Variants in CHD8 observed in about 807,000 individuals in gnomAD.
CHD8 encodes the protein ATP-dependent chromatin remodeler CHD8.
In CHD8, 31 loss-of-function variants were observed where a neutral mutation model predicts 279.2. The observed-to-expected ratio is 0.11, with a 90% CI of 0.08 to 0.15. The LOEUF (loss-of-function observed/expected upper bound fraction) is 0.15, where lower values mean the gene tolerates loss of function less well. Ranked by LOEUF, CHD8 falls within the 10% of genes least tolerant of loss-of-function variation. The pLI, the probability that CHD8 is intolerant of heterozygous loss-of-function variation, is 1.00. For synonymous variants in CHD8, 1,081 were observed against 1,139.6 expected (o/e 0.95, Z 1.04); for missense variants, 2,146 against 3,230.5 (o/e 0.66, Z 8.14).
At chr14:21,436,967 T>C in intron 1 of CHD8, 1 of 1,282,746 alleles carries the variant, frequency 7.8e-7, no homozygotes, top group South Asian at 1.2e-5. Context: ...TTCTGGTAAC[T>C]GGAGACCCCA....
chr14:21,387,602 C>T (rs1887315521), intron 37 of CHD8, among the ~76,000 whole-genome samples: 1 of 149,880 alleles, frequency 6.7e-6, no homozygotes. Flanking sequence ...GCATTGTACT[C>T]CATCCAGCCT....
chr14:21,403,415 GACAGAGTAACC>G lies in CHD8; in HGVS notation c.3518+27_3518+37del, dbSNP rs377091970. 1,507 of 1,525,680 alleles carry G rather than the reference GACAGAGTAACC, an allele frequency of 9.9e-4. 13 individuals are homozygous for G. In the African/African-American group the frequency reaches 0.019, roughly 19 times the overall value. The allele number at this position is 1,525,680 out of a possible 1,614,324, so 94.5% of individuals were successfully genotyped here. A position where few individuals can be genotyped will look rare whatever the true frequency, so the allele number is the denominator to read the frequency against. On this transcript the variant is annotated intron_variant, in intron 17 of 37. Coordinates refer to ENST00000646647, the MANE Select transcript of CHD8 (RefSeq NM_001170629.2). This position sits in a 1 kb window ranked among gnomAD's most constrained non-coding sequence, Gnocchi z 4.3. Reference sequence around the variant, plus strand: ...CTCCTACTTTTTGCTGCTTTATGAGGACAGAGTAACCACAGGCTAGGATGACTCTTTTCTTA... The same window carrying G: ...CTCCTACTTTTTGCTGCTTTATGAGGACAGGCTAGGATGACTCTTTTCTTA...
Position 21,399,703 on chromosome 14 carries a change from T to C in CHD8, c.4820A>G (p.Glu1607Gly). The change falls in exon 26 of 38, where the codon GAG becomes GGG. Residue 1607 changes from glutamate (E) to glycine (G), a missense_variant and splice_region_variant. Physicochemically the swap from Glu to Gly is moderately conservative, Grantham distance 98. Around this residue, in one of 26 missense-constraint regions of CHD8, gnomAD observed 33 missense variants for 34.8 expected, o/e 0.95. Transcript: ENST00000646647. The part of the protein sequence containing the change: ...EKVLGGAIAS[E>G]IDIWFPVVDQ... ...CACTACTGGGAACCATATGTCAATC[T>C]CACTAAAGGTATAAGAGGGCAGAGT... 6.2e-7 allele frequency: 1 copy of C among 1,604,086 alleles called. No individual in the cohort carries two copies. The highest frequency in any genetic ancestry group is 8.5e-7 in the Non-Finnish European group (1 of 1,170,992).
chr14:21,455,454 GA>G (rs375520734), intron 1 of CHD8, among the ~76,000 whole-genome samples: 2 of 152,240 alleles, frequency 1.3e-5, no homozygotes, highest in East Asian at 3.9e-4. Context: ...TGCAAGGCTT[GA>G]GCTCCTCTCT....
At chr14:21,428,560 C>T (rs1015695972) in intron 3 of CHD8, among the ~76,000 whole-genome samples, 7 of 152,122 alleles carry the variant, frequency 4.6e-5, no homozygotes, top group Non-Finnish European at 7.4e-5. Context: ...TCTGGCCTAA[C>T]GGTAAAAAAA....
chr14:21,412,379 C>G (rs1566430873), intron 10 of CHD8, among the ~76,000 whole-genome samples: 1 of 152,028 alleles, frequency 6.6e-6, no homozygotes, highest in Non-Finnish European at 1.5e-5. Flanking sequence ...CTCCCAACCT[C>G]GTGATCTGCC....
chr14:21,390,865 CA>C, intron 37 of CHD8, 81 bp downstream of exon 37: 1 of 714,904 alleles, frequency 1.4e-6, no homozygotes, highest in Non-Finnish European at 2.5e-6. Context: ...AGATAAATAA[CA>C]TTAGTCACAA....
chr14:21,428,005 A>G lies in CHD8; in HGVS notation c.1465T>C (p.Leu489=). 1.2e-6 allele frequency: 2 copies of G among 1,613,900 alleles called. No individual in the cohort carries two copies. The highest frequency in any genetic ancestry group is 1.1e-5 in the South Asian group (1 of 91,080). The change falls in exon 4 of 38, where the codon TTG becomes CTG. Residue 489 remains leucine (L), a synonymous_variant. Transcript: ENST00000646647. The stretch of plus-strand genomic sequence containing the variant: ...TCCTCCTCTGGCCGAACGCTGGGCA[A>G]CTCGTCCTCATTTAAGACTCGAGGT... The part of the protein sequence containing the change: ...NIPRVLNEDE[L]PSVRPEEEGE...
chr14:21,418,451 C>T (rs548694486), intron 5 of CHD8, among the ~76,000 whole-genome samples: 7 of 152,082 alleles, frequency 4.6e-5, no homozygotes, highest in Non-Finnish European at 7.4e-5. Context: ...ATGCAGGAGG[C>T]GGAGGTTGCA....
At chr14:21,437,011 G>C (rs937377282) in intron 1 of CHD8, 8 of 1,271,038 alleles carry the variant, frequency 6.3e-6, no homozygotes, top group South Asian at 5.0e-5. Flanking sequence ...TTGAGGTAAG[G>C]AGCTAGCGGG....
rs1888005312 is a variant in CHD8 at position 21,400,961 on chromosome 14, CTCA to C, written c.4281_4283del (p.Asp1427del). The C allele has an allele frequency of 6.2e-7, 1 of 1,613,898 alleles. No individual in the cohort carries two copies. Among genetic ancestry groups the C allele is most frequent in the Admixed American group, 1.7e-5 (1 of 60,000 alleles). ...GGTCATGTCTGCGGGAGCGTGGCCG[CTCA>C]TCATCCTCACTTTCCAAATCAGAGA... On this transcript the variant is annotated inframe_deletion, in exon 22 of 38. Transcript: ENST00000646647. This position sits in a 1 kb window ranked among gnomAD's most constrained non-coding sequence, Gnocchi z 4.2.
At position 21,400,693 on chromosome 14, in the gene CHD8, G is replaced by A. The variant is rs1594340904; in HGVS notation, c.4371-81C>T. ...CTCAGAATCATGTCTCTGAAAAGGT[G>A]TGAAACAAAGATCTTAAAAAACATG... is the stretch of plus-strand genomic sequence containing the variant. On this transcript the variant is annotated intron_variant, in intron 22 of 37. Transcript: ENST00000646647. The surrounding 1 kb of genome is among the most constrained non-coding windows in gnomAD (Gnocchi z 4.2). 4 of 1,353,966 alleles carry A rather than the reference G, an allele frequency of 3.0e-6. No individual in the cohort carries two copies. The highest frequency in any genetic ancestry group is 4.0e-6 in the Non-Finnish European group (4 of 1,006,526). 83.9% of individuals were successfully genotyped at this position (1,353,966 alleles called of 1,614,324 possible).
At chr14:21,446,552 C>G (rs1456319806) in intron 1 of CHD8, among the ~76,000 whole-genome samples, 1 of 152,266 alleles carries the variant, frequency 6.6e-6, no homozygotes, top group African/African-American at 2.4e-5. Context: ...CTCAAGTGAT[C>G]GGCCTGCCTC....
At chr14:21,389,862 C>T (rs977062092) in intron 37 of CHD8, among the ~76,000 whole-genome samples, 4 of 152,104 alleles carry the variant, frequency 2.6e-5, no homozygotes, top group Non-Finnish European at 5.9e-5. Flanking sequence ...ATTAGTGATT[C>T]TCAACCTTTA....
intron 10 of CHD8, 35 bp downstream of exon 10, chr14:21,412,878 G>C: frequency 1.6e-6 from 2 of 1,288,150 alleles, no homozygotes; most frequent in Non-Finnish European, 2.3e-6. Flanking sequence ...AAATCTAAGA[G>C]GATGTTCACG....
rs1232667313 is a variant in CHD8, at chr14:21,403,975, T to C, written c.3308-312A>G. Among the ~76,000 whole-genome samples the C allele has an allele frequency of 1.3e-5, 2 of 152,042 alleles. No homozygotes were observed. On this transcript the variant is annotated intron_variant, in intron 16 of 37. Coordinates refer to ENST00000646647, the MANE Select transcript of CHD8 (RefSeq NM_001170629.2). The surrounding 1 kb of genome is among the most constrained non-coding windows in gnomAD (Gnocchi z 4.3). ...TTAGCCAGGTGTGGTGGCGGAGGCCTGTAGTTCCAGCTACTCAGGAGGCTG... is the reference window on the plus strand; with the variant it reads ...TTAGCCAGGTGTGGTGGCGGAGGCCCGTAGTTCCAGCTACTCAGGAGGCTG...
At chr14:21,401,773 T>A in intron 20 of CHD8, 184 bp downstream of exon 20, 1 of 605,266 alleles carries the variant, frequency 1.7e-6, no homozygotes, top group Non-Finnish European at 2.8e-6. Flanking sequence ...TTGGTAGAGA[T>A]GAGGTTTCAC....
intron 28 of CHD8, 173 bp from the exon 29 acceptor site, chr14:21,395,525 A>G (rs1216161064): frequency 3.3e-6 from 2 of 608,792 alleles, no homozygotes; most frequent in African/African-American, 3.7e-5. Flanking sequence ...AAAGAACAAG[A>G]AAGTAGAACC....
Position 21,431,791 on chromosome 14 carries a change from G to A in CHD8, c.-148C>T. ...TCAAGTATAGAGGCAAGAAACAAGTGCATGTCAGATTGTCCTGACCTTCAT... is the reference window on the plus strand; with the variant it reads ...TCAAGTATAGAGGCAAGAAACAAGTACATGTCAGATTGTCCTGACCTTCAT... On this transcript the variant is annotated 5_prime_UTR_variant, in exon 2 of 38. Coordinates refer to ENST00000646647, the MANE Select transcript of CHD8 (RefSeq NM_001170629.2). The A allele has an allele frequency of 6.2e-7, 1 of 1,613,408 alleles. No individual in the cohort carries two copies. Among genetic ancestry groups the A allele is most frequent in the East Asian group, 2.2e-5 (1 of 44,870 alleles).
Sources: allele counts gnomAD v4.1 joint callset (sites outside exome capture counted in the v4.1 genomes callset), GRCh38; gene constraint gnomAD v4.1.1; regional missense constraint gnomAD v4.1.1; non-coding constraint Gnocchi (gnomAD v3.1); transcripts MANE v1.5; gene names NCBI Gene and HGNC (gene_info 2026-07-23, HGNC 2026-07-21).